PCDHGA8: variants seen among roughly 807,000 people sequenced by gnomAD.
PCDHGA8 encodes protocadherin gamma subfamily A, 8.
A neutral mutation model predicts 59.2 loss-of-function variants in PCDHGA8; 45 were observed. That is an observed-to-expected ratio of 0.76 (90% CI 0.60 to 0.98). PCDHGA8 has a LOEUF of 0.98. Among genes scored for constraint, PCDHGA8 ranks in the 50% least tolerant of loss-of-function variants. The pLI, the probability that PCDHGA8 is intolerant of heterozygous loss-of-function variation, is 0.00. For synonymous variants in PCDHGA8, 531 were observed against 519.0 expected, an observed-to-expected ratio of 1.02 and a Z score of -0.32; for missense variants, 1,257 against 1,196.2, an observed-to-expected ratio of 1.05 and a Z score of -0.75.
intron 1 of PCDHGA8, among the ~76,000 whole-genome samples, chr5:141,397,821 T>C (rs1225096146): frequency 2.0e-5 from 3 of 152,238 alleles, no homozygotes; most frequent in African/African-American, 7.2e-5. Context: ...AAACAATTAC[T>C]GCACTGGTTA....
chr5:141,404,466 T>C lies in PCDHGA8; in HGVS notation c.2424+9229T>C, dbSNP rs536211455. ...CAAGGGTCTCCTCTCTCCACCTATG[T>C]CTCTATTAACTCAGACACTGGTGTG... On this transcript the variant is annotated intron_variant, in intron 1 of 3. Transcript: ENST00000398604. 28 of 1,613,558 alleles carry C rather than the reference T, an allele frequency of 1.7e-5. No individual in the cohort carries two copies. Among genetic ancestry groups the C allele is most frequent in the East Asian group, 2.2e-5 (1 of 44,882 alleles).
intron 1 of PCDHGA8, chr5:141,478,419 G>A (rs2530208): frequency 3.7e-6 from 6 of 1,613,632 alleles, no homozygotes; most frequent in South Asian, 2.2e-5. Context: ...GACTCCCGCC[G>A]CAGCGACCCG....
rs2096205933 is a variant in PCDHGA8, at chr5:141,417,998, G to C, written c.2424+22761G>C. ...GGAGGAGCTGGCCAAGGGCTCGGTGGTGGGGAACCTCGCTAAGGATCTAGG... is the reference window on the plus strand; with the variant it reads ...GGAGGAGCTGGCCAAGGGCTCGGTGCTGGGGAACCTCGCTAAGGATCTAGG... On this transcript the variant is annotated intron_variant, in intron 1 of 3. Transcript: ENST00000398604. The C allele has an allele frequency of 1.9e-6, 3 of 1,613,928 alleles. No individual in the cohort carries two copies. The East Asian group carries it at 6.7e-5, about 36-fold the overall frequency.
Position 141,486,429 on chromosome 5 carries a change from C to G in PCDHGA8, c.2425-8378C>G, listed in dbSNP as rs2099629385. On this transcript the variant is annotated intron_variant, in intron 1 of 3. Transcript: ENST00000398604. The surrounding 1 kb of genome is among the most constrained non-coding windows in gnomAD (Gnocchi z 5.0). ...GGACCCTTGGATCGAGAGGCCAAAT[C>G]TAGCTATGACATCATGGTCACTGCT... 1.1e-5 allele frequency: 17 copies of G among 1,614,192 alleles called. No homozygotes were observed. Among genetic ancestry groups the G allele is most frequent in the Non-Finnish European group, 1.4e-5 (17 of 1,180,008 alleles).
chr5:141,403,512 A>G (rs751429629), intron 1 of PCDHGA8: 2 of 1,614,020 alleles, frequency 1.2e-6, no homozygotes, highest in Non-Finnish European at 1.7e-6. Context: ...ACTGGAGACA[A>G]TGGAGCCATA....
chr5:141,476,416 A>C lies in PCDHGA8; in HGVS notation c.2425-18391A>C, dbSNP rs2099391138. On this transcript the variant is annotated intron_variant, in intron 1 of 3. Coordinates refer to ENST00000398604, the MANE Select transcript of PCDHGA8 (RefSeq NM_032088.2). The surrounding 1 kb of genome is among the most constrained non-coding windows in gnomAD (Gnocchi z 7.6). ...TGGATCGAGAGGAGCTGTGTGGGACACTGCCCTCTTGCACTGTAACTCTGG... is the reference window on the plus strand; with the variant it reads ...TGGATCGAGAGGAGCTGTGTGGGACCCTGCCCTCTTGCACTGTAACTCTGG... 6.2e-7 allele frequency: 1 copy of C among 1,614,056 alleles called. No homozygotes were observed. The highest frequency in any genetic ancestry group is 8.5e-7 in the Non-Finnish European group (1 of 1,179,994).
At chr5:141,421,229 T>C (rs776952658) in intron 1 of PCDHGA8, 3 of 1,589,662 alleles carry the variant, frequency 1.9e-6, no homozygotes, top group South Asian at 1.1e-5. Flanking sequence ...GAGCCTGCCA[T>C]GGCGAATCGG....
chr5:141,406,186 C>T (rs1263856724), intron 1 of PCDHGA8, among the ~76,000 whole-genome samples: 2 of 151,978 alleles, frequency 1.3e-5, no homozygotes, highest in South Asian at 2.1e-4. Context: ...AATCCTCCCA[C>T]CTCAGCCTTC....
chr5:141,399,488 TAGTC>T (rs778579612), intron 1 of PCDHGA8: 12 of 1,613,904 alleles, frequency 7.4e-6, no homozygotes, highest in Admixed American at 1.7e-5. Flanking sequence ...GCGTCCTACT[TAGTC>T]AGTGTACCCG....
intron 2 of PCDHGA8, among the ~76,000 whole-genome samples, chr5:141,500,838 GGCTTTT>G (rs2099802886): frequency 6.6e-6 from 1 of 151,878 alleles, no homozygotes. Flanking sequence ...AATGCTAATG[GGCTTTT>G]GCTACATTAG....
intron 1 of PCDHGA8, among the ~76,000 whole-genome samples, chr5:141,438,611 TATATATATATATATATATATATATAC>T (rs1451681129): frequency 0.1 from 4,016 of 39,372 alleles, 166 homozygotes; most frequent in Middle Eastern, 0.18. Context: ...TATATATATA[TATATATATATATATATATATATATAC>T]ACACACACAC....
intron 1 of PCDHGA8, among the ~76,000 whole-genome samples, chr5:141,429,503 C>T (rs890656634): frequency 1.3e-5 from 2 of 151,922 alleles, no homozygotes; most frequent in Admixed American, 6.6e-5. Context: ...TTGCCTGAAA[C>T]TGTGCCTGGC....
At chr5:141,446,035 A>G (rs1300621298) in intron 1 of PCDHGA8, among the ~76,000 whole-genome samples, 1 of 152,222 alleles carries the variant, frequency 6.6e-6, no homozygotes, top group Non-Finnish European at 1.5e-5. Context: ...CTGGTAAGAA[A>G]TGGAAGAAGA....
intron 1 of PCDHGA8, chr5:141,402,809 C>A: frequency 4.9e-6 from 6 of 1,214,046 alleles, no homozygotes; most frequent in Non-Finnish European, 6.6e-6. Flanking sequence ...CCGGCAGATA[C>A]CACAAACCTG....
intron 1 of PCDHGA8, chr5:141,428,062 A>G: frequency 6.2e-7 from 1 of 1,609,084 alleles, no homozygotes; most frequent in African/African-American, 1.3e-5. Flanking sequence ...GTGGCGGTGG[A>G]CGCAGATTCG....
chr5:141,463,616 T>C (rs941383375), intron 1 of PCDHGA8, among the ~76,000 whole-genome samples: 28 of 151,762 alleles, frequency 1.8e-4, no homozygotes, highest in Non-Finnish European at 2.1e-4. Flanking sequence ...GCCCGGCTAA[T>C]TTTTTGTATT....
Position 141,491,547 on chromosome 5 carries a change from G to A in PCDHGA8, c.2425-3260G>A. On this transcript the variant is annotated intron_variant, in intron 1 of 3. Transcript: ENST00000398604. This position sits in a 1 kb window ranked among gnomAD's most constrained non-coding sequence, Gnocchi z 6.9. ...AGGTGACGCTGCGGCCCACAGACTC[G>A]CAGAGCCACTGCTACAGGACGTGCT... is the stretch of plus-strand genomic sequence containing the variant. The A allele has an allele frequency of 4.3e-6, 7 of 1,613,974 alleles. No individual in the cohort carries two copies. The highest frequency in any genetic ancestry group is 5.9e-6 in the Non-Finnish European group (7 of 1,180,022).
intron 1 of PCDHGA8, chr5:141,423,436 C>A (rs2096740667): frequency 6.2e-7 from 1 of 1,613,782 alleles, no homozygotes; most frequent in Non-Finnish European, 8.5e-7. Context: ...GGCAGGTATG[C>A]CCACGTCACA....
intron 1 of PCDHGA8, among the ~76,000 whole-genome samples, chr5:141,467,938 C>A (rs527892047): frequency 9.8e-5 from 15 of 152,304 alleles, no homozygotes; most frequent in Non-Finnish European, 1.5e-4. Flanking sequence ...GGATTACAAG[C>A]ATGAGCCACC....
Sources: gnomAD v4.1 joint callset for allele counts (sites outside exome capture counted in the v4.1 genomes callset) on GRCh38, gnomAD v4.1.1 for gene constraint, Gnocchi (gnomAD v3.1) non-coding constraint, MANE v1.5 for transcripts, NCBI Gene and HGNC (gene_info 2026-07-23, HGNC 2026-07-21) for gene names.